The following EFL1 variants were observed in gnomAD, a reference collection of about 807,000 sequenced individuals.
EFL1 encodes the protein elongation factor-like GTPase 1.
A neutral mutation model predicts 126.7 loss-of-function variants in EFL1; 76 were observed. That is an observed-to-expected ratio of 0.60 (90% CI 0.50 to 0.73). The LOEUF is 0.73. EFL1 is among the 30% of genes least tolerant of loss of function. The pLI, the probability that EFL1 is intolerant of heterozygous loss-of-function variation, is 0.00. For missense variants in EFL1, 1,128 were observed against 1,343.2 expected (o/e 0.84, Z 2.50); for synonymous variants, 410 against 448.4 (o/e 0.91, Z 1.08).
chr15:82,139,639 A>G (rs1273169686), intron 18 of EFL1, among the ~76,000 whole-genome samples: 2 of 152,382 alleles, frequency 1.3e-5, no homozygotes, highest in East Asian at 1.9e-4. Context: ...ATAGAGATAC[A>G]TTGAAAATCA....
At chr15:82,159,418 C>A (rs554900202) in intron 16 of EFL1, among the ~76,000 whole-genome samples, 1 of 151,426 alleles carries the variant, frequency 6.6e-6, no homozygotes, top group Non-Finnish European at 1.5e-5. Context: ...TATATACACA[C>A]TTAAATCTGT....
chr15:82,230,983 C>T lies in EFL1; in HGVS notation c.732-12G>A, dbSNP rs201950678. On this transcript the variant is annotated splice_polypyrimidine_tract_variant and intron_variant, in intron 7 of 19. Transcript: ENST00000268206. ...CGAAGTGCTCAATTCTGAAAGAAGA[C>T]CAAATGTTCATGTTATTAATAACAA... The T allele has an allele frequency of 2.5e-6, 4 of 1,607,698 alleles. No individual in the cohort carries two copies. The highest frequency in any genetic ancestry group is 3.4e-6 in the Non-Finnish European group (4 of 1,177,802).
intron 6 of EFL1, among the ~76,000 whole-genome samples, chr15:82,240,041 T>C (rs557084608): frequency 6.6e-6 from 1 of 152,366 alleles, no homozygotes; most frequent in East Asian, 1.9e-4. Context: ...ATAATTCATT[T>C]ATTCAACATA....
intron 18 of EFL1, among the ~76,000 whole-genome samples, chr15:82,141,784 G>C (rs2073791536): frequency 1.3e-5 from 2 of 152,092 alleles, no homozygotes; most frequent in Non-Finnish European, 1.5e-5. Context: ...GAGGAAAGTG[G>C]GGCAAACAGA....
chr15:82,218,057 C>G (rs1016055955), intron 14 of EFL1, among the ~76,000 whole-genome samples: 9 of 152,166 alleles, frequency 5.9e-5, no homozygotes, highest in African/African-American at 1.9e-4. Flanking sequence ...GGTTCTTCAT[C>G]AGTCAGTCCT....
intron 4 of EFL1, among the ~76,000 whole-genome samples, chr15:82,251,088 T>C (rs1369351231): frequency 2.0e-5 from 3 of 152,108 alleles, no homozygotes; most frequent in East Asian, 3.9e-4. Flanking sequence ...GGCATGCATC[T>C]GCAATCCCAG....
intron 15 of EFL1, among the ~76,000 whole-genome samples, chr15:82,177,576 G>T (rs1187569933): frequency 2.0e-5 from 3 of 152,160 alleles, no homozygotes; most frequent in Non-Finnish European, 4.4e-5. Flanking sequence ...TGGTTCACAT[G>T]AAGTTTTTGG....
In EFL1 at chr15:82,213,958, T is replaced by C. The variant is rs143516706; in HGVS notation, c.1750+759A>G. The stretch of plus-strand genomic sequence containing the variant: ...AAGTTTATAAAATCCAGACAAACCA[T>C]TAGCTATTCTGGACCAACAGACTAG... On this transcript the variant is annotated intron_variant, in intron 15 of 19. Coordinates refer to ENST00000268206, the MANE Select transcript of EFL1 (RefSeq NM_024580.6). 2.2e-3 allele frequency among the ~76,000 whole-genome samples: 335 copies of C among 152,346 alleles called. 2 individuals carry two copies. The highest frequency in any genetic ancestry group is 7.4e-3 in the African/African-American group (309 of 41,584).
intron 4 of EFL1, among the ~76,000 whole-genome samples, chr15:82,245,347 C>T (rs1162646636): frequency 1.3e-5 from 2 of 151,904 alleles, no homozygotes; most frequent in Non-Finnish European, 2.9e-5. Context: ...ACTGTGTTGC[C>T]GTGGCAGGTC....
intron 18 of EFL1, among the ~76,000 whole-genome samples, chr15:82,144,989 C>G (rs1341209958): frequency 1.4e-5 from 2 of 145,818 alleles, no homozygotes; most frequent in African/African-American, 5.1e-5. Context: ...AAGACTCCAA[C>G]TCAAAAAAGA....
intron 15 of EFL1, among the ~76,000 whole-genome samples, chr15:82,199,262 T>C (rs2074441788): frequency 6.6e-6 from 1 of 152,194 alleles, no homozygotes. Context: ...CACCCAGGTA[T>C]ATTAGAATTA....
chr15:82,145,205 A>G (rs1241224236), intron 18 of EFL1, among the ~76,000 whole-genome samples: 1 of 150,616 alleles, frequency 6.6e-6, no homozygotes, highest in Non-Finnish European at 1.5e-5. Context: ...AGGAAGGGTG[A>G]GGCAGGAGAA....
chr15:82,208,857 T>C (rs1030751681), intron 15 of EFL1, among the ~76,000 whole-genome samples: 3 of 151,928 alleles, frequency 2.0e-5, no homozygotes, highest in African/African-American at 7.3e-5. Context: ...TCAGCAAACC[T>C]GAAACTAAAA....
chr15:82,211,595 G>GACACACACACACACACACACACACACAC (rs10543301), intron 15 of EFL1, among the ~76,000 whole-genome samples: 1,290 of 105,638 alleles, frequency 0.012, 54 homozygotes, highest in Admixed American at 0.019. Flanking sequence ...ACACATACTA[G>GACACACACACACACACACACACACACAC]ACACACACAC....
At chr15:82,256,346 C>T (rs529147100) in intron 3 of EFL1, among the ~76,000 whole-genome samples, 67 of 152,306 alleles carry the variant, frequency 4.4e-4, no homozygotes, top group Non-Finnish European at 7.9e-4. Context: ...TTATTGCTCA[C>T]GTATACTTCT....
chr15:82,226,654 T>C (rs897048967), intron 11 of EFL1, among the ~76,000 whole-genome samples: 3 of 152,124 alleles, frequency 2.0e-5, no homozygotes, highest in Non-Finnish European at 4.4e-5. Context: ...GTTCTAGATA[T>C]CAGTCCAGAG....
At chr15:82,152,546 T>C in intron 17 of EFL1, 123 bp from the exon 18 acceptor site, 5 of 877,710 alleles carry the variant, frequency 5.7e-6, no homozygotes, top group Non-Finnish European at 8.3e-6. Context: ...ATTATCTTAC[T>C]ATGAAAGATC....
rs2075080047 is a variant in EFL1, at chr15:82,257,891, T to G, written c.159+1197A>C. ...TTTCATTAATTTATGCTTTACTATT[T>G]CCTTTCATCTACTTACTTCAGTTTT... is the stretch of plus-strand genomic sequence containing the variant. On this transcript the variant is annotated intron_variant, in intron 3 of 19. Transcript: ENST00000268206. Among the ~76,000 whole-genome samples, 3 of 152,342 alleles carry G rather than the reference T, an allele frequency of 2.0e-5. No homozygotes were observed. In the South Asian group the frequency reaches 6.2e-4, roughly 32 times the overall value.
In EFL1 at chr15:82,163,947, T is replaced by C. The variant is rs752065400; in HGVS notation, c.1788A>G (p.Ala596=). ...GGLQDFVLKS[A]TLCSLPSCPP... is the part of the protein sequence containing the mutation. ...GGCAGGATGGCAGGCTACACAGTGTTGCAGATTTCAGCACAAAATCTTGAA... is the reference window on the plus strand; with the variant it reads ...GGCAGGATGGCAGGCTACACAGTGTCGCAGATTTCAGCACAAAATCTTGAA... Residue 596 remains alanine (A), a synonymous_variant, in exon 16 of 20, where the codon GCA becomes GCG. Coordinates refer to ENST00000268206, the MANE Select transcript of EFL1 (RefSeq NM_024580.6). The C allele has an allele frequency of 2.2e-5, 35 of 1,614,008 alleles. No individual in the cohort carries two copies. The East Asian group carries it at 5.3e-4, about 25-fold the overall frequency.
Sources: gnomAD v4.1 joint callset for allele counts (sites outside exome capture counted in the v4.1 genomes callset) on GRCh38, gnomAD v4.1.1 for gene constraint, MANE v1.5 for transcripts, NCBI Gene and HGNC (gene_info 2026-07-23, HGNC 2026-07-21) for gene names.